Variants in GRAMD1C observed in about 807,000 individuals in gnomAD.
GRAMD1C encodes GRAM domain containing 1C, also known as protein Aster-C.
A neutral mutation model predicts 97.8 loss-of-function variants in GRAMD1C; 89 were observed. That is an observed-to-expected ratio of 0.91 (90% CI 0.77 to 1.09). The LOEUF (loss-of-function observed/expected upper bound fraction) is 1.09, where lower values mean the gene tolerates loss of function less well. GRAMD1C is among the 50% of genes least tolerant of loss of function. GRAMD1C has a pLI of 0.00. For missense variants in GRAMD1C, 740 were observed against 766.4 expected, an observed-to-expected ratio of 0.97 and a Z score of 0.41; for synonymous variants, 256 against 267.0, an observed-to-expected ratio of 0.96 and a Z score of 0.40.
chr3:113,940,315 G>A lies in GRAMD1C; in HGVS notation c.1878G>A (p.Val626=). 6.2e-7 allele frequency: 1 copy of A among 1,600,154 alleles called. No homozygotes were observed. The highest frequency in any genetic ancestry group is 8.6e-7 in the Non-Finnish European group (1 of 1,167,270). ...NKDQAHRLKG[V]LRDSIVMLEQ... ...ATCAGGCCCATCGTTTAAAGGGAGT[G>A]CTCCGAGACTCCATAGTGATGCTTG... Residue 626 remains valine, a synonymous_variant, in exon 17 of 18, where the codon GTG becomes GTA. Transcript: ENST00000358160.
intron 12 of GRAMD1C, 141 bp from the exon 13 acceptor site, chr3:113,934,291 A>G: frequency 1.8e-6 from 1 of 548,368 alleles, no homozygotes; most frequent in Admixed American, 3.8e-5. Flanking sequence ...AAAGTTATCA[A>G]TGAACACATT....
At chr3:113,868,764 C>T (rs1403354316) in intron 2 of GRAMD1C, among the ~76,000 whole-genome samples, 1 of 152,100 alleles carries the variant, frequency 6.6e-6, no homozygotes, top group Non-Finnish European at 1.5e-5. Flanking sequence ...CCCCTGAGAC[C>T]TCTTGTGTCT....
At chr3:113,875,614 G>A (rs1490229909) in intron 4 of GRAMD1C, 27 bp downstream of exon 4, 1 of 953,978 alleles carries the variant, frequency 1.0e-6, no homozygotes, top group Non-Finnish European at 1.7e-6. Context: ...TTGATTTGTT[G>A]ATACAAATAA....
chr3:113,935,421 A>G (rs1247062763), intron 13 of GRAMD1C, among the ~76,000 whole-genome samples: 1 of 152,034 alleles, frequency 6.6e-6, no homozygotes, highest in East Asian at 1.9e-4. Flanking sequence ...GGTGGGTACT[A>G]GAGACTGACT....
chr3:113,889,328 A>G (rs1465767225), intron 6 of GRAMD1C, among the ~76,000 whole-genome samples: 1 of 152,374 alleles, frequency 6.6e-6, no homozygotes, highest in East Asian at 1.9e-4. Flanking sequence ...GTCATAAAAG[A>G]ACACATCCTG....
intron 9 of GRAMD1C, among the ~76,000 whole-genome samples, chr3:113,915,058 A>G (rs1038721836): frequency 2.6e-4 from 40 of 152,336 alleles, no homozygotes; most frequent in African/African-American, 9.1e-4. Context: ...CAACATCACT[A>G]TGATTATCAA....
intron 10 of GRAMD1C, among the ~76,000 whole-genome samples, chr3:113,924,074 T>G (rs983327562): frequency 1.3e-5 from 2 of 149,316 alleles, no homozygotes; most frequent in African/African-American, 4.9e-5. Flanking sequence ...ATAGAGGTGT[T>G]CATAATAGTC....
In GRAMD1C at chr3:113,940,403, C is replaced by G; in HGVS notation, c.1908+58C>G. 5 of 963,168 alleles carry G rather than the reference C, an allele frequency of 5.2e-6. No homozygotes were observed. In the South Asian group the frequency reaches 6.7e-5, roughly 13 times the overall value. The allele number at this position is 963,168 out of a possible 1,614,324, so 59.7% of individuals were successfully genotyped here. On this transcript the variant is annotated intron_variant, in intron 17 of 17. Transcript: ENST00000358160. Reference sequence around the variant, plus strand: ...TCTTTGTCCCAGTATGAATTAGTTGCTCTTCTGTGTATGAGAGAATATTTA... The same window carrying G: ...TCTTTGTCCCAGTATGAATTAGTTGGTCTTCTGTGTATGAGAGAATATTTA...
chr3:113,847,001 A>G (rs923768535), intron 2 of GRAMD1C, among the ~76,000 whole-genome samples: 2 of 152,216 alleles, frequency 1.3e-5, no homozygotes, highest in African/African-American at 4.8e-5. Context: ...ATCAGAGTTC[A>G]TGCTGATATA....
At chr3:113,834,957 GAC>G (rs1709614767), upstream of GRAMD1C, among the ~76,000 whole-genome samples, 2 of 127,350 alleles carry the variant, frequency 1.6e-5, no homozygotes, top group South Asian at 2.5e-4. Flanking sequence ...AAAAAAAAAA[GAC>G]ACTGATATTT....
At chr3:113,896,099 T>G (rs556282980) in intron 6 of GRAMD1C, among the ~76,000 whole-genome samples, 29 of 152,146 alleles carry the variant, frequency 1.9e-4, no homozygotes, top group Admixed American at 1.6e-3. Flanking sequence ...CCTTCCCCAC[T>G]GTATCTCCTC....
chr3:113,831,715 T>C (rs1258523347), intron 1 of GRAMD1C, among the ~76,000 whole-genome samples: 11 of 152,156 alleles, frequency 7.2e-5, no homozygotes, highest in Admixed American at 7.2e-4. Context: ...TGAATTACTC[T>C]AGTGAATTTC....
At chr3:113,846,450 C>A (rs948052135) in intron 2 of GRAMD1C, among the ~76,000 whole-genome samples, 1 of 152,090 alleles carries the variant, frequency 6.6e-6, no homozygotes, top group East Asian at 1.9e-4. Context: ...GATTGGGGAA[C>A]CTTCATACTC....
chr3:113,885,413 A>T lies in GRAMD1C; in HGVS notation c.540+2581A>T, dbSNP rs551337162. 8.9e-6 allele frequency: 14 copies of T among 1,575,890 alleles called. No homozygotes were observed. In the Admixed American group the frequency reaches 1.8e-4, roughly 21 times the overall value. The stretch of plus-strand genomic sequence containing the variant: ...CAGATCCGCACGGTAATTCAGTACC[A>T]AACTGTTCGATATGATATCCTCCCC... On this transcript the variant is annotated intron_variant, in intron 6 of 17. Transcript: ENST00000358160.
At chr3:113,876,015 G>A (rs1286241424) in intron 4 of GRAMD1C, 150 bp from the exon 5 acceptor site, 1 of 585,582 alleles carries the variant, frequency 1.7e-6, no homozygotes, top group Non-Finnish European at 3.1e-6. Context: ...GAGAATACAA[G>A]CGTGTACTTA....
Position 113,838,841 on chromosome 3 carries a change from T to G in GRAMD1C, c.-69T>G. 3.5e-6 allele frequency: 4 copies of G among 1,155,080 alleles called. No homozygotes were observed. The highest frequency in any genetic ancestry group is 4.3e-6 in the Non-Finnish European group (4 of 919,600). The allele number at this position is 1,155,080 out of a possible 1,614,324, so 71.6% of individuals were successfully genotyped here. On this transcript the variant is annotated 5_prime_UTR_variant, in exon 1 of 18. Coordinates refer to ENST00000358160, the MANE Select transcript of GRAMD1C (RefSeq NM_017577.5). ...GGAGCCTGTAACTCGCAGCGCGCGCTGGAGGTGGGCGCGGGGCGGTGCGGT... is the reference window on the plus strand; with the variant it reads ...GGAGCCTGTAACTCGCAGCGCGCGCGGGAGGTGGGCGCGGGGCGGTGCGGT...
At chr3:113,879,629 C>G (rs2107393868) in intron 5 of GRAMD1C, among the ~76,000 whole-genome samples, 1 of 152,066 alleles carries the variant, frequency 6.6e-6, no homozygotes, top group East Asian at 1.9e-4. Context: ...CCATGTCATC[C>G]CCATATGTGG....
intron 11 of GRAMD1C, among the ~76,000 whole-genome samples, chr3:113,932,974 T>A (rs1474722276): frequency 6.6e-6 from 1 of 151,536 alleles, no homozygotes; most frequent in Non-Finnish European, 1.5e-5. Flanking sequence ...CTCTGCCTCC[T>A]GGGTTCAAGT....
At chr3:113,840,632 T>A (rs546966798) in intron 1 of GRAMD1C, among the ~76,000 whole-genome samples, 99 of 150,546 alleles carry the variant, frequency 6.6e-4, no homozygotes, top group African/African-American at 2.2e-3. Context: ...GTGTGGCGCC[T>A]GTGGTCCTAG....
Sources: allele counts gnomAD v4.1 joint callset (sites outside exome capture counted in the v4.1 genomes callset), GRCh38; gene constraint gnomAD v4.1.1; transcripts MANE v1.5; gene names NCBI Gene and HGNC (gene_info 2026-07-23, HGNC 2026-07-21).